Variants in TAFA1 observed in about 807,000 individuals in gnomAD.
TAFA1 encodes the protein TAFA chemokine like family member 1.
Under a neutral mutation model 18.5 loss-of-function variants are expected in TAFA1, and 4 were observed. That is an observed-to-expected ratio of 0.22 (90% CI 0.11 to 0.49). The LOEUF (loss-of-function observed/expected upper bound fraction) is 0.49, where lower values mean the gene tolerates loss of function less well. Among genes scored for constraint, TAFA1 ranks in the 20% least tolerant of loss-of-function variants. The pLI, the probability that TAFA1 is intolerant of heterozygous loss-of-function variation, is 0.98. For synonymous variants in TAFA1, 56 were observed against 55.2 expected, an observed-to-expected ratio of 1.01 and a Z score of -0.06; for missense variants, 147 against 169.0, an observed-to-expected ratio of 0.87 and a Z score of 0.72.
chr3:68,341,260 G>A (rs2069077204), intron 2 of TAFA1, among the ~76,000 whole-genome samples: 2 of 152,120 alleles, frequency 1.3e-5, no homozygotes, highest in East Asian at 1.9e-4. Flanking sequence ...AGGGAGTACT[G>A]GTTGGTCGGG....
At chr3:68,538,399 A>G (rs1396288710) in intron 3 of TAFA1, among the ~76,000 whole-genome samples, 3 of 152,124 alleles carry the variant, frequency 2.0e-5, no homozygotes, top group African/African-American at 4.8e-5. Flanking sequence ...GTTTAAACTA[A>G]ATTCCTCCCA....
chr3:68,469,392 G>C (rs930930333), intron 3 of TAFA1, among the ~76,000 whole-genome samples: 1 of 152,066 alleles, frequency 6.6e-6, no homozygotes, highest in Non-Finnish European at 1.5e-5. Context: ...AAGTCAGAGA[G>C]GGCCGGGCGC....
upstream of TAFA1, among the ~76,000 whole-genome samples, chr3:68,003,442 C>G: frequency 6.6e-6 from 1 of 152,176 alleles, no homozygotes. Flanking sequence ...TCTCATCAAT[C>G]ACGTTTTCTG....
rs139283306 is a variant in TAFA1 at position 68,111,252 on chromosome 3, C to T, written c.118+104508C>T. ...ATCTACTAGTAGCTGACTTTTCAACCGAAATAATGGAAGCCAGAAGAACAA... is the reference window on the plus strand; with the variant it reads ...ATCTACTAGTAGCTGACTTTTCAACTGAAATAATGGAAGCCAGAAGAACAA... On this transcript the variant is annotated intron_variant, in intron 2 of 4. Transcript: ENST00000478136. Among the ~76,000 whole-genome samples, 269 of 152,070 alleles carry T rather than the reference C, an allele frequency of 1.8e-3. 2 individuals carry two copies. The highest frequency in any genetic ancestry group is 5.6e-3 in the African/African-American group (231 of 41,510).
At chr3:68,283,777 T>C (rs2067945552) in intron 2 of TAFA1, among the ~76,000 whole-genome samples, 1 of 152,166 alleles carries the variant, frequency 6.6e-6, no homozygotes, top group Non-Finnish European at 1.5e-5. Context: ...GGGTAATCAT[T>C]CCTGCCTTTA....
rs575423996 is a variant in TAFA1, at chr3:68,177,920, G to T, written c.118+171176G>T. 2.6e-5 allele frequency among the ~76,000 whole-genome samples: 4 copies of T among 152,226 alleles called. No individual in the cohort carries two copies. The South Asian group carries it at 8.3e-4, about 32-fold the overall frequency. On this transcript the variant is annotated intron_variant, in intron 2 of 4. Coordinates refer to ENST00000478136, the MANE Select transcript of TAFA1 (RefSeq NM_213609.4). ...AGCCCTTTGGGAGTCCGAGGTGGGC[G>T]GATCACAAGGTCAGCAGATCGAGAC...
intron 2 of TAFA1, among the ~76,000 whole-genome samples, chr3:68,128,862 C>G (rs2065504146): frequency 6.6e-6 from 1 of 152,156 alleles, no homozygotes; most frequent in South Asian, 2.1e-4. Context: ...TTACTCAAAA[C>G]TGATTTCTAG....
chr3:68,318,418 T>A (rs2068640819), intron 2 of TAFA1, among the ~76,000 whole-genome samples: 1 of 152,138 alleles, frequency 6.6e-6, no homozygotes, highest in Admixed American at 6.6e-5. Flanking sequence ...GACAGACATT[T>A]ATTAATAGAA....
At chr3:68,117,959 A>C (rs573019641) in intron 2 of TAFA1, among the ~76,000 whole-genome samples, 2 of 152,176 alleles carry the variant, frequency 1.3e-5, no homozygotes, top group Non-Finnish European at 2.9e-5. Flanking sequence ...TCATCTTGCA[A>C]AACTGAAACT....
At chr3:68,453,015 CTACAGTGTTGCTAGAT>C (rs1237423346) in intron 3 of TAFA1, among the ~76,000 whole-genome samples, 3 of 152,146 alleles carry the variant, frequency 2.0e-5, no homozygotes, top group Non-Finnish European at 4.4e-5. Flanking sequence ...ATTTGAAACA[CTACAGTGTTGCTAGAT>C]ACTTGGGGCT....
At chr3:67,993,621 C>T in the TAFA1 span, among the ~76,000 whole-genome samples, 13 of 152,160 alleles carry the variant, frequency 8.5e-5, no homozygotes, top group African/African-American at 3.1e-4. Context: ...TCTTGCTATT[C>T]CTGGCCACAT....
At position 68,387,954 on chromosome 3, in the gene TAFA1, T is replaced by C. The variant is rs571372050; in HGVS notation, c.119-29326T>C. Among the ~76,000 whole-genome samples the C allele has an allele frequency of 3.9e-4, 60 of 152,298 alleles. 1 individual carries two copies. The East Asian group carries it at 0.011, about 29-fold the overall frequency. On this transcript the variant is annotated intron_variant, in intron 2 of 4. Transcript: ENST00000478136. ...TGACTATATCATTAAAACTAATTCC[T>C]GAGATTCAAAGTGGAACTTCCCTGT...
intron 2 of TAFA1, among the ~76,000 whole-genome samples, chr3:68,316,255 G>C (rs562089905): frequency 2.6e-5 from 4 of 152,300 alleles, no homozygotes; most frequent in African/African-American, 9.6e-5. Flanking sequence ...ATACCCAGGG[G>C]GTGAGGAGGA....
chr3:68,326,603 C>G (rs1232351708), intron 2 of TAFA1, among the ~76,000 whole-genome samples: 4 of 151,940 alleles, frequency 2.6e-5, no homozygotes, highest in Non-Finnish European at 4.4e-5. Context: ...ATCTATGTGG[C>G]CATTTCATTA....
chr3:67,999,700 G>A (rs1165111964), upstream of TAFA1, among the ~76,000 whole-genome samples: 2 of 151,898 alleles, frequency 1.3e-5, no homozygotes. Flanking sequence ...GTGGCAAGTA[G>A]GCATTGTTTA....
chr3:68,413,910 C>G (rs1286114575), intron 2 of TAFA1, among the ~76,000 whole-genome samples: 6 of 152,062 alleles, frequency 3.9e-5, no homozygotes, highest in Admixed American at 6.6e-5. Context: ...GAGCATGTCT[C>G]AGGTGATACA....
At chr3:68,006,114 C>A (rs1347296174) in intron 1 of TAFA1, 2 of 154,702 alleles carry the variant, frequency 1.3e-5, no homozygotes, top group African/African-American at 4.9e-5. Flanking sequence ...CAGGAGATTA[C>A]AACATGCCTC....
intron 2 of TAFA1, among the ~76,000 whole-genome samples, chr3:68,350,226 C>T (rs1405529395): frequency 6.6e-6 from 1 of 152,048 alleles, no homozygotes; most frequent in African/African-American, 2.4e-5. Context: ...GCATATAATC[C>T]CTGCTCTAGA....
At chr3:68,327,080 A>T (rs530612521) in intron 2 of TAFA1, among the ~76,000 whole-genome samples, 1 of 152,276 alleles carries the variant, frequency 6.6e-6, no homozygotes, top group East Asian at 1.9e-4. Flanking sequence ...ACAAGATATG[A>T]TGTTTTATAA....
Sources: gnomAD v4.1 joint callset for allele counts (sites outside exome capture counted in the v4.1 genomes callset) on GRCh38, gnomAD v4.1.1 for gene constraint, MANE v1.5 for transcripts, NCBI Gene and HGNC (gene_info 2026-07-23, HGNC 2026-07-21) for gene names.